Variants in CACNA1E observed in about 807,000 individuals in gnomAD.
The protein encoded by CACNA1E is calcium voltage-gated channel subunit alpha1 E, also known as voltage-dependent R-type calcium channel subunit alpha-1E.
CACNA1E carries 40 observed loss-of-function variants against 259.2 expected under a neutral mutation model. The ratio of observed to expected loss-of-function variants is 0.15; its 90% CI spans 0.12 to 0.20. The LOEUF (loss-of-function observed/expected upper bound fraction) is 0.20, where lower values mean the gene tolerates loss of function less well. Ranked by LOEUF, CACNA1E falls within the 10% of genes least tolerant of loss-of-function variation. The pLI is 1.00. For synonymous variants in CACNA1E, 1,104 were observed against 1,138.5 expected (o/e 0.97, Z 0.61); for missense variants, 1,874 against 3,040.1 (o/e 0.62, Z 9.02).
At chr1:181,332,587 A>T (rs1378954255) in intron 1 of CACNA1E, among the ~76,000 whole-genome samples, 1 of 152,254 alleles carries the variant, frequency 6.6e-6, no homozygotes, top group African/African-American at 2.4e-5. Context: ...CTGCCATTGA[A>T]TAATTTTAAT....
intron 5 of CACNA1E, among the ~76,000 whole-genome samples, chr1:181,580,288 G>A (rs547905524): frequency 1.2e-4 from 19 of 152,264 alleles, no homozygotes; most frequent in African/African-American, 3.6e-4. Context: ...AAAGTGTGCC[G>A]TGTGATTCAG....
intron 8 of CACNA1E, among the ~76,000 whole-genome samples, chr1:181,712,614 A>G (rs1462876435): frequency 1.3e-5 from 2 of 152,166 alleles, no homozygotes; most frequent in African/African-American, 2.4e-5. Flanking sequence ...ATGTGTGTTG[A>G]CTATACTTGC....
chr1:181,388,405 C>T (rs1656009821), intron 1 of CACNA1E, among the ~76,000 whole-genome samples: 1 of 152,164 alleles, frequency 6.6e-6, no homozygotes. Context: ...ATTGTGTGAA[C>T]ATCACAGATA....
chr1:181,358,840 C>G (rs1653648392), intron 1 of CACNA1E, among the ~76,000 whole-genome samples: 1 of 152,202 alleles, frequency 6.6e-6, no homozygotes. Flanking sequence ...TCCTCAAATA[C>G]CAGTCTAATG....
chr1:181,419,801 G>T (rs2102183544), intron 2 of CACNA1E, among the ~76,000 whole-genome samples: 1 of 152,356 alleles, frequency 6.6e-6, no homozygotes, highest in African/African-American at 2.4e-5. Flanking sequence ...TGTACAGGTT[G>T]CTGACTGCAG....
Position 181,420,925 on chromosome 1 carries a change from C to G in CACNA1E, c.434+7345C>G, listed in dbSNP as rs138419218. Reference sequence around the variant, plus strand: ...CTAGATTGTAAGCAGAGAAGTCTGTCTGCTCCCCATTGTGTCTCCTTTACT... The same window carrying G: ...CTAGATTGTAAGCAGAGAAGTCTGTGTGCTCCCCATTGTGTCTCCTTTACT... On this transcript the variant is annotated intron_variant, in intron 2 of 11. Transcript: ENST00000524607. 3.7e-3 allele frequency among the ~76,000 whole-genome samples: 558 copies of G among 152,314 alleles called. 1 individual carries two copies. The highest frequency in any genetic ancestry group is 0.013 in the African/African-American group (526 of 41,552).
At chr1:181,605,199 A>G (rs1654116908) in intron 6 of CACNA1E, among the ~76,000 whole-genome samples, 1 of 152,126 alleles carries the variant, frequency 6.6e-6, no homozygotes, top group Non-Finnish European at 1.5e-5. Context: ...AATTAGAACA[A>G]GCAGGAAGAG....
intron 7 of CACNA1E, among the ~76,000 whole-genome samples, chr1:181,670,255 A>G (rs535917163): frequency 6.6e-6 from 1 of 152,144 alleles, no homozygotes; most frequent in Admixed American, 6.5e-5. Context: ...ATACCTCCCA[A>G]TTTCCCCGGC....
intron 39 of CACNA1E, among the ~76,000 whole-genome samples, chr1:181,783,130 T>G (rs1270501662): frequency 6.6e-6 from 1 of 152,170 alleles, no homozygotes; most frequent in Non-Finnish European, 1.5e-5. Flanking sequence ...TTATGCATGT[T>G]CAATCATGTG....
chr1:181,642,151 GTACCC>G (rs1657847351), intron 6 of CACNA1E, among the ~76,000 whole-genome samples: 1 of 152,004 alleles, frequency 6.6e-6, no homozygotes, highest in South Asian at 2.1e-4. Context: ...TTCTACTTCC[GTACCC>G]AATAAGTGGA....
chr1:181,546,796 G>T (rs138764595), intron 3 of CACNA1E, among the ~76,000 whole-genome samples: 19 of 152,310 alleles, frequency 1.2e-4, no homozygotes, highest in African/African-American at 4.3e-4. Flanking sequence ...TCAGTGTCGG[G>T]CCATTTCAAA....
intron 1 of CACNA1E, among the ~76,000 whole-genome samples, chr1:181,362,301 G>A (rs1653939007): frequency 6.6e-6 from 1 of 152,198 alleles, no homozygotes; most frequent in Non-Finnish European, 1.5e-5. Context: ...TTTCCTAGTA[G>A]GTGCAGAAAT....
intron 2 of CACNA1E, among the ~76,000 whole-genome samples, chr1:181,442,493 CAG>C (rs890940448): frequency 1.3e-5 from 2 of 151,776 alleles, no homozygotes; most frequent in African/African-American, 4.9e-5. Context: ...GTGAAGGACA[CAG>C]AGCTTCATCT....
chr1:181,421,734 A>G (rs602992), intron 2 of CACNA1E, among the ~76,000 whole-genome samples: 31,440 of 152,062 alleles, frequency 0.21, 3,783 homozygotes, highest in African/African-American at 0.32. Context: ...AGCCCTGTCA[A>G]TAACATCTCC....
Position 181,763,768 on chromosome 1 carries a change from G to A in CACNA1E, c.4815+237G>A, listed in dbSNP as rs73045142. The stretch of plus-strand genomic sequence containing the variant: ...TATTTTAGAAAAACACCTTGACTTT[G>A]TGACTCAGGCATCCTCTCTGTCTGC... On this transcript the variant is annotated intron_variant, in intron 34 of 47. Coordinates refer to ENST00000367573, the MANE Select transcript of CACNA1E (RefSeq NM_001205293.3). 0.013 allele frequency among the ~76,000 whole-genome samples: 2,028 copies of A among 152,298 alleles called. 34 individuals carry two copies. Among genetic ancestry groups the A allele is most frequent in the African/African-American group, 0.043 (1,780 of 41,554 alleles).
At chr1:181,473,158 A>G (rs1662623280) in intron 2 of CACNA1E, among the ~76,000 whole-genome samples, 1 of 152,110 alleles carries the variant, frequency 6.6e-6, no homozygotes, top group Admixed American at 6.5e-5. Context: ...CTTGTTTTCT[A>G]TGACTGAACA....
intron 2 of CACNA1E, among the ~76,000 whole-genome samples, chr1:181,477,916 C>G (rs1662970441): frequency 1.3e-5 from 2 of 152,186 alleles, no homozygotes; most frequent in African/African-American, 2.4e-5. Context: ...CAATTAAACC[C>G]TCTGGGAGAC....
intron 1 of CACNA1E, among the ~76,000 whole-genome samples, chr1:181,322,219 GA>G (rs1203036371): frequency 6.6e-6 from 1 of 152,098 alleles, no homozygotes; most frequent in African/African-American, 2.4e-5. Flanking sequence ...GGAGAATTGG[GA>G]AAAGCAGGAA....
chr1:181,423,214 G>A (rs754163570), intron 2 of CACNA1E, among the ~76,000 whole-genome samples: 3 of 152,198 alleles, frequency 2.0e-5, no homozygotes, highest in Non-Finnish European at 4.4e-5. Flanking sequence ...AGGTGCAGAG[G>A]TTGTAGTTAG....
Sources: allele counts gnomAD v4.1 joint callset (sites outside exome capture counted in the v4.1 genomes callset), GRCh38; gene constraint gnomAD v4.1.1; transcripts MANE v1.5; gene names NCBI Gene and HGNC (gene_info 2026-07-23, HGNC 2026-07-21).